The following FGGY variants were observed in gnomAD, a reference collection of about 807,000 sequenced individuals.
FGGY encodes FGGY carbohydrate kinase domain-containing protein.
A neutral mutation model predicts 71.3 loss-of-function variants in FGGY; 72 were observed. That is an observed-to-expected ratio of 1.01 (90% CI 0.84 to 1.23). The LOEUF is 1.23. Ranked by LOEUF, FGGY falls within the 50% of genes most tolerant of loss-of-function variation. The pLI, the probability that FGGY is intolerant of heterozygous loss-of-function variation, is 0.00. For synonymous variants in FGGY, 251 were observed against 250.3 expected, an observed-to-expected ratio of 1.00 and a Z score of -0.02; for missense variants, 668 against 682.3, an observed-to-expected ratio of 0.98 and a Z score of 0.23.
intron 14 of FGGY, chr1:59,755,587 A>G (rs1002679686): frequency 6.6e-6 from 1 of 152,220 alleles, no homozygotes; most frequent in African/African-American, 2.4e-5. Flanking sequence ...ACTTTCTGAG[A>G]AACAGCATAA....
chr1:59,642,904 G>A (rs1017358444), intron 11 of FGGY, among the ~76,000 whole-genome samples: 22 of 151,252 alleles, frequency 1.5e-4, no homozygotes, highest in African/African-American at 4.6e-4. Context: ...GCATGGTGGC[G>A]GGTGGCTGTA....
At chr1:59,731,477 C>G (rs76805321) in intron 14 of FGGY, among the ~76,000 whole-genome samples, 5,330 of 152,150 alleles carry the variant, frequency 0.035, 317 homozygotes, top group African/African-American at 0.12. Flanking sequence ...TATCAGGTGG[C>G]CTTTTTTCTG....
intron 4 of FGGY, among the ~76,000 whole-genome samples, chr1:59,354,304 C>T (rs868230517): frequency 1.6e-4 from 25 of 152,140 alleles, no homozygotes; most frequent in South Asian, 1.0e-3. Flanking sequence ...GTCTCAAACT[C>T]CTGAGTTCAA....
chr1:59,507,930 C>G (rs577381505), intron 6 of FGGY, among the ~76,000 whole-genome samples: 1 of 152,128 alleles, frequency 6.6e-6, no homozygotes, highest in Non-Finnish European at 1.5e-5. Context: ...CCTCCGCTGC[C>G]TCTTGTCCCG....
intron 4 of FGGY, among the ~76,000 whole-genome samples, chr1:59,360,310 T>C (rs1279447476): frequency 6.6e-6 from 1 of 151,988 alleles, no homozygotes; most frequent in Non-Finnish European, 1.5e-5. Flanking sequence ...GGGACTAGAG[T>C]GAAGCCTACT....
intron 7 of FGGY, among the ~76,000 whole-genome samples, chr1:59,512,695 G>A (rs2094547194): frequency 6.6e-6 from 1 of 152,098 alleles, no homozygotes. Context: ...ATAACTTTCT[G>A]CATAGTTCTT....
chr1:59,559,299 G>A (rs997071509), intron 8 of FGGY, among the ~76,000 whole-genome samples: 5 of 152,152 alleles, frequency 3.3e-5, no homozygotes, highest in Admixed American at 6.5e-5. Context: ...AATTATAAAA[G>A]TATTATTTGG....
chr1:59,695,212 G>A (rs766378777), intron 14 of FGGY, among the ~76,000 whole-genome samples: 1 of 152,190 alleles, frequency 6.6e-6, no homozygotes, highest in African/African-American at 2.4e-5. Context: ...CAGAGTTCTG[G>A]TGGGCCTACT....
intron 11 of FGGY, among the ~76,000 whole-genome samples, chr1:59,648,272 G>GA (rs2097119532): frequency 8.8e-6 from 1 of 113,160 alleles, no homozygotes. Context: ...CCAGTAATGG[G>GA]ATGGCTGGGT....
chr1:59,538,423 G>T (rs2095374193), intron 7 of FGGY, among the ~76,000 whole-genome samples: 1 of 152,026 alleles, frequency 6.6e-6, no homozygotes, highest in African/African-American at 2.4e-5. Context: ...AACCATTGTG[G>T]AAGTCAGCGT....
chr1:59,626,306 C>T (rs1301286836), intron 10 of FGGY: 2 of 378,962 alleles, frequency 5.3e-6, no homozygotes, highest in Non-Finnish European at 9.5e-6. Context: ...AGAAGAAGGA[C>T]CATGGATTCT....
chr1:59,534,290 A>C (rs549313668), intron 7 of FGGY, among the ~76,000 whole-genome samples: 15 of 152,196 alleles, frequency 9.9e-5, no homozygotes, highest in Non-Finnish European at 4.4e-5. Flanking sequence ...AAAAAAGAAT[A>C]AAAAGAAACG....
intron 9 of FGGY, among the ~76,000 whole-genome samples, chr1:59,625,183 C>A (rs1229645340): frequency 1.3e-5 from 2 of 152,124 alleles, no homozygotes; most frequent in Non-Finnish European, 2.9e-5. Context: ...AGAAAATATA[C>A]AGATGAGGTT....
At chr1:59,719,183 T>A (rs1208487918) in intron 14 of FGGY, among the ~76,000 whole-genome samples, 1 of 152,160 alleles carries the variant, frequency 6.6e-6, no homozygotes, top group Non-Finnish European at 1.5e-5. Flanking sequence ...TCCAACAAGA[T>A]GAGGCTATTC....
At chr1:59,536,133 A>G (rs532149753) in intron 7 of FGGY, among the ~76,000 whole-genome samples, 1 of 152,006 alleles carries the variant, frequency 6.6e-6, no homozygotes, top group South Asian at 2.1e-4. Context: ...GCAATAAAAA[A>G]TGATAAAGGG....
Position 59,432,535 on chromosome 1 carries a change from A to G in FGGY, c.555-24426A>G, listed in dbSNP as rs117697915. Among the ~76,000 whole-genome samples the G allele has an allele frequency of 8.5e-5, 13 of 152,326 alleles. No homozygotes were observed. In the East Asian group the frequency reaches 2.5e-3, roughly 29 times the overall value. ...TGGTTGGTTTCTGAAGAGTTAGAGT[A>G]TTGGTTAGTGTGGGAAAATCCCTCA... On this transcript the variant is annotated intron_variant, in intron 5 of 15. Transcript: ENST00000303721.
At position 59,638,259 on chromosome 1, in the gene FGGY, C is replaced by A. The variant is rs138804284; in HGVS notation, c.1105C>A (p.His369Asn). The A allele has an allele frequency of 1.7e-4, 270 of 1,614,110 alleles. No individual in the cohort carries two copies. Among genetic ancestry groups the A allele is most frequent in the Non-Finnish European group, 8.5e-5 (100 of 1,179,986 alleles). ...GAGTATATATGCATATTTGAACAGTCACCTGGATCTGATTAAGAAGGCTCA... is the reference window on the plus strand; with the variant it reads ...GAGTATATATGCATATTTGAACAGTAACCTGGATCTGATTAAGAAGGCTCA... ...CQSIYAYLNS[H>N]LDLIKKAQPV... Residue 369 changes from histidine to asparagine, a missense_variant, in exon 11 of 16, where the codon CAC (histidine) becomes AAC (asparagine). Physicochemically the swap from His to Asn is moderately conservative, Grantham distance 68 (BLOSUM62 1). Coordinates refer to ENST00000303721, the MANE Select transcript of FGGY (RefSeq NM_018291.5).
At chr1:59,679,251 T>A (rs1244194298) in intron 14 of FGGY, among the ~76,000 whole-genome samples, 1 of 152,224 alleles carries the variant, frequency 6.6e-6, no homozygotes, top group Non-Finnish European at 1.5e-5. Context: ...TCAGAGCCTA[T>A]GATTTTTGTA....
In FGGY at chr1:59,607,702, A is replaced by G. The variant is rs1488239333; in HGVS notation, c.904-101A>G. 2.4e-5 allele frequency: 21 copies of G among 868,646 alleles called. No homozygotes were observed. The East Asian group carries it at 2.5e-4, about 11-fold the overall frequency. 53.8% of individuals were successfully genotyped at this position (868,646 alleles called of 1,614,324 possible). On this transcript the variant is annotated intron_variant, in intron 8 of 15. Transcript: ENST00000303721. ...ACTTCCCCACCATAAAAGGCATTCAATAAGAAGCTGAATTCCATGGTCATA... is the reference window on the plus strand; with the variant it reads ...ACTTCCCCACCATAAAAGGCATTCAGTAAGAAGCTGAATTCCATGGTCATA...
Sources: gnomAD v4.1 joint callset for allele counts (sites outside exome capture counted in the v4.1 genomes callset) on GRCh38, gnomAD v4.1.1 for gene constraint, MANE v1.5 for transcripts, NCBI Gene and HGNC (gene_info 2026-07-23, HGNC 2026-07-21) for gene names.